The following MAEA variants were observed in gnomAD, a reference collection of about 807,000 sequenced individuals.
MAEA encodes the protein macrophage erythroblast attacher, E3 ubiquitin ligase, also known as E3 ubiquitin-protein transferase MAEA.
A neutral mutation model predicts 46.2 loss-of-function variants in MAEA; 22 were observed. That is an observed-to-expected ratio of 0.48 (90% CI 0.34 to 0.68). The LOEUF (loss-of-function observed/expected upper bound fraction) is 0.68. Among genes scored for constraint, MAEA ranks in the 30% least tolerant of loss-of-function variants. The probability of loss-of-function intolerance (pLI) is 0.01; values close to 1 mark genes in which losing one functional copy is unlikely to be tolerated. For synonymous variants in MAEA, 246 were observed against 222.6 expected (o/e 1.11, Z -0.94); for missense variants, 393 against 558.1 (o/e 0.70, Z 2.98).
intron 3 of MAEA, among the ~76,000 whole-genome samples, chr4:1,320,951 T>G (rs1355056945): frequency 6.6e-6 from 1 of 151,742 alleles, no homozygotes; most frequent in Non-Finnish European, 1.5e-5. Flanking sequence ...ATACAAAAAT[T>G]TAGCCGGGCG....
chr4:1,307,133 T>C (rs1411772914), intron 1 of MAEA, among the ~76,000 whole-genome samples: 1 of 152,252 alleles, frequency 6.6e-6, no homozygotes, highest in African/African-American at 2.4e-5. Flanking sequence ...TAACATTTTT[T>C]AATTTAAAAA....
intron 1 of MAEA, chr4:1,309,942 C>G (rs2108900422): frequency 1.6e-6 from 2 of 1,274,012 alleles, no homozygotes; most frequent in Non-Finnish European, 2.0e-6. Context: ...TTGAATGCAG[C>G]TAAGGGACGT....
chr4:1,289,912 A>G lies in MAEA; in HGVS notation c.-2A>G. On this transcript the variant is annotated 5_prime_UTR_variant, in exon 1 of 9. Coordinates refer to ENST00000303400, the MANE Select transcript of MAEA (RefSeq NM_001017405.3). ...GCCCGCTAATGTTTTGGCCGCTTCAAGATGGCGGTGCAGGAGTCGGCGGCT... is the reference window on the plus strand; with the variant it reads ...GCCCGCTAATGTTTTGGCCGCTTCAGGATGGCGGTGCAGGAGTCGGCGGCT... 1.9e-6 allele frequency: 3 copies of G among 1,597,836 alleles called. No homozygotes were observed. Among genetic ancestry groups the G allele is most frequent in the Non-Finnish European group, 1.7e-6 (2 of 1,171,520 alleles).
chr4:1,306,941 G>C (rs1429976217), intron 1 of MAEA, among the ~76,000 whole-genome samples: 1 of 152,112 alleles, frequency 6.6e-6, no homozygotes, highest in East Asian at 1.9e-4. Flanking sequence ...CTTCGCCTCA[G>C]TTGCCTTGGC....
chr4:1,332,476 A>G (rs2109000251), intron 5 of MAEA: 1 of 314,784 alleles, frequency 3.2e-6, no homozygotes, highest in East Asian at 8.2e-5. Context: ...GCACTTTGGG[A>G]GGCCGGGGCA....
chr4:1,320,203 C>T (rs1737868763), intron 3 of MAEA, among the ~76,000 whole-genome samples: 1 of 94,374 alleles, frequency 1.1e-5, no homozygotes, highest in Admixed American at 1.4e-4. Flanking sequence ...TCAGAACAAA[C>T]GTGCAAGAAA....
In MAEA at chr4:1,323,353, A is replaced by G; in HGVS notation, c.579+850A>G. On this transcript the variant is annotated intron_variant, in intron 4 of 8. Transcript: ENST00000303400. ...ATTGTCACCCTAGGGGCTTGCAGAA[A>G]TGTTTTAACTTATGTTAACACTTCT... 4 of 621,006 alleles carry G rather than the reference A, an allele frequency of 6.4e-6. 1 individual carries two copies. The South Asian group carries it at 7.4e-5, about 11-fold the overall frequency. 38.5% of individuals were successfully genotyped at this position (621,006 alleles called of 1,614,324 possible).
chr4:1,299,996 G>A (rs902196139), intron 1 of MAEA: 1 of 152,100 alleles, frequency 6.6e-6, no homozygotes, highest in African/African-American at 2.4e-5. Context: ...ATATTATTTT[G>A]GCAATTCTGT....
chr4:1,302,066 TC>T (rs1735370830), intron 1 of MAEA, among the ~76,000 whole-genome samples: 1 of 152,152 alleles, frequency 6.6e-6, no homozygotes, highest in Non-Finnish European at 1.5e-5. Flanking sequence ...AGACCATTGT[TC>T]CAGATGAGAG....
At chr4:1,334,587 G>A (rs984549965) in intron 6 of MAEA, among the ~76,000 whole-genome samples, 6 of 152,234 alleles carry the variant, frequency 3.9e-5, no homozygotes, top group Non-Finnish European at 5.9e-5. Context: ...GGCCTAGGCC[G>A]GGTGGAGCAT....
At chr4:1,333,347 A>G (rs1712100279) in intron 6 of MAEA, among the ~76,000 whole-genome samples, 1 of 151,844 alleles carries the variant, frequency 6.6e-6, no homozygotes, top group Non-Finnish European at 1.5e-5. Context: ...TCTCCAAAAA[A>G]AAAAAAAGCA....
chr4:1,290,898 A>G (rs1416543907), intron 1 of MAEA, among the ~76,000 whole-genome samples: 1 of 152,162 alleles, frequency 6.6e-6, no homozygotes, highest in Admixed American at 6.5e-5. Context: ...CTGGGGTGTG[A>G]ATCAGGCTTC....
intron 3 of MAEA, among the ~76,000 whole-genome samples, chr4:1,322,020 G>C (rs140355420): frequency 6.6e-6 from 1 of 152,210 alleles, no homozygotes; most frequent in Non-Finnish European, 1.5e-5. Context: ...AGGGCCTGTA[G>C]ATGTGCTGGG....
At chr4:1,296,869 C>A (rs1273842593) in intron 1 of MAEA, among the ~76,000 whole-genome samples, 1 of 152,176 alleles carries the variant, frequency 6.6e-6, no homozygotes, top group Non-Finnish European at 1.5e-5. Flanking sequence ...CCACCCCTCG[C>A]TGCATGTCCT....
chr4:1,295,936 A>C (rs1452092624), intron 1 of MAEA, among the ~76,000 whole-genome samples: 26 of 50,192 alleles, frequency 5.2e-4, no homozygotes, highest in South Asian at 8.9e-4. Flanking sequence ...CCTCACCCAC[A>C]CCTGTGCCAC....
In MAEA at chr4:1,338,411, C is replaced by G; in HGVS notation, c.900-11C>G. 1 of 1,604,690 alleles carries G rather than the reference C, an allele frequency of 6.2e-7. No individual in the cohort carries two copies. Among genetic ancestry groups the G allele is most frequent in the Non-Finnish European group, 8.5e-7 (1 of 1,173,576 alleles). ...GAGTGGCCCCCAACCCTTCCTTGAC[C>G]CGATGCTCAGACAGTGCTACAAGGA... On this transcript the variant is annotated splice_polypyrimidine_tract_variant and intron_variant, in intron 7 of 8. Transcript: ENST00000303400.
rs545029634 is a variant in MAEA at position 1,339,744 on chromosome 4, G to A, written c.*575G>A. On this transcript the variant is annotated 3_prime_UTR_variant, in exon 9 of 9. Coordinates refer to ENST00000303400, the MANE Select transcript of MAEA (RefSeq NM_001017405.3). Reference sequence around the variant, plus strand: ...TCGAGGACGCCCGCCTGCCTCGCGGGTCGTGTCCGCGGGACTGTGTTCGTA... The same window carrying A: ...TCGAGGACGCCCGCCTGCCTCGCGGATCGTGTCCGCGGGACTGTGTTCGTA... 3.8e-4 allele frequency: 59 copies of A among 155,544 alleles called. No individual in the cohort carries two copies. The highest frequency in any genetic ancestry group is 7.3e-4 in the Non-Finnish European group (51 of 69,940). 9.6% of individuals were successfully genotyped at this position (155,544 alleles called of 1,614,324 possible).
chr4:1,316,873 C>T (rs1737247713), intron 3 of MAEA, among the ~76,000 whole-genome samples: 1 of 151,912 alleles, frequency 6.6e-6, no homozygotes, highest in African/African-American at 2.4e-5. Flanking sequence ...CCCCACACTC[C>T]TGTCACGCTC....
chr4:1,303,948 G>A (rs1366600457), intron 1 of MAEA, among the ~76,000 whole-genome samples: 1 of 142,604 alleles, frequency 7.0e-6, no homozygotes, highest in Non-Finnish European at 1.5e-5. Flanking sequence ...GGCAGGGTGG[G>A]GGTCGGGCAG....
Sources: gnomAD v4.1 joint callset for allele counts (sites outside exome capture counted in the v4.1 genomes callset) on GRCh38, gnomAD v4.1.1 for gene constraint, MANE v1.5 for transcripts, NCBI Gene and HGNC (gene_info 2026-07-23, HGNC 2026-07-21) for gene names.